Variants in PRDM2 observed in about 807,000 individuals in gnomAD.
The protein encoded by PRDM2 is PR domain zinc finger protein 2.
Under a neutral mutation model 130.0 loss-of-function variants are expected in PRDM2, and 30 were observed. The observed-to-expected ratio is 0.23, with a 90% CI of 0.17 to 0.31. PRDM2 has a LOEUF of 0.31. Ranked by LOEUF, PRDM2 falls within the 10% of genes least tolerant of loss-of-function variation. The pLI is 1.00. For missense variants in PRDM2, 2,011 were observed against 2,108.4 expected, an observed-to-expected ratio of 0.95 and a Z score of 0.90; for synonymous variants, 871 against 782.4, an observed-to-expected ratio of 1.11 and a Z score of -1.89.
Position 13,706,019 on chromosome 1 carries a change from C to G in PRDM2, c.-66+5719C>G, listed in dbSNP as rs200332901. Among the ~76,000 whole-genome samples the G allele has an allele frequency of 1.7e-4, 26 of 151,368 alleles. No homozygotes were observed. In the East Asian group the frequency reaches 4.5e-3, roughly 26 times the overall value. ...AAAAAAAAAAAATGGAGCTCACCAC[C>G]TTTTACTTAAATATTGTCCCTACTC... On this transcript the variant is annotated intron_variant, in intron 1 of 9. Transcript: ENST00000311066.
intron 5 of PRDM2, among the ~76,000 whole-genome samples, chr1:13,748,063 G>A (rs895347246): frequency 3.9e-5 from 6 of 152,180 alleles, no homozygotes; most frequent in Non-Finnish European, 8.8e-5. Context: ...CAGAGTTTGA[G>A]CTTCTCTTAT....
Position 13,732,879 on chromosome 1 carries a change from G to A in PRDM2, c.228G>A (p.Trp76Ter), listed in dbSNP as rs148256671. 6.0e-5 allele frequency: 93 copies of A among 1,547,160 alleles called. No homozygotes were observed. Among genetic ancestry groups the A allele is most frequent in the Non-Finnish European group, 8.2e-5 (93 of 1,132,008 alleles). ...RSQVKNNVYM[W>*]EVYYPNLGWM... is the part of the protein sequence containing the mutation. ...AGGTTAAGAATAATGTATACATGTG[G>A]GAGGTAAGAAGTAATTCTGATTCTT... The change falls in exon 4 of 10, where the codon TGG (tryptophan) becomes TGA (stop). Residue 76 changes from tryptophan to a stop codon, truncating the protein, a stop_gained. Transcript: ENST00000311066. LOFTEE classifies it high-confidence loss of function.
chr1:13,773,061 A>G lies in PRDM2; in HGVS notation c.512-17A>G, dbSNP rs946453354. 1 of 1,385,342 alleles carries G rather than the reference A, an allele frequency of 7.2e-7. No individual in the cohort carries two copies. Among genetic ancestry groups the G allele is most frequent in the Non-Finnish European group, 9.7e-7 (1 of 1,033,768 alleles). The allele number at this position is 1,385,342 out of a possible 1,614,324, so 85.8% of individuals were successfully genotyped here. On this transcript the variant is annotated splice_polypyrimidine_tract_variant and intron_variant, in intron 6 of 9. Transcript: ENST00000311066. The stretch of plus-strand genomic sequence containing the variant: ...AAAAAAAAATGAATGAATAAATTAA[A>G]AAAAATTGTGTTTCAGGGAAGAAAA...
intron 6 of PRDM2, among the ~76,000 whole-genome samples, chr1:13,766,328 T>C (rs1200409177): frequency 6.6e-6 from 1 of 152,186 alleles, no homozygotes; most frequent in African/African-American, 2.4e-5. Flanking sequence ...AGATTCTAGA[T>C]AGTAGTGTCT....
At chr1:13,711,784 T>A (rs1185626483) in intron 1 of PRDM2, among the ~76,000 whole-genome samples, 1 of 151,982 alleles carries the variant, frequency 6.6e-6, no homozygotes, top group Non-Finnish European at 1.5e-5. Context: ...GAGGAAAAAA[T>A]GAGAGTCTGG....
intron 3 of PRDM2, among the ~76,000 whole-genome samples, chr1:13,731,888 A>T (rs1643122930): frequency 1.3e-5 from 2 of 152,182 alleles, no homozygotes; most frequent in African/African-American, 4.8e-5. Context: ...TTATTCATTG[A>T]GCAGTTTGAA....
chr1:13,799,400 G>A (rs921201572), intron 8 of PRDM2, among the ~76,000 whole-genome samples: 4 of 151,052 alleles, frequency 2.6e-5, no homozygotes, highest in East Asian at 1.9e-4. Context: ...AGCTGAGATC[G>A]CGCCATTGCA....
chr1:13,770,244 A>G (rs897833121), intron 6 of PRDM2: 5 of 436,070 alleles, frequency 1.1e-5, no homozygotes, highest in African/African-American at 6.3e-5. Context: ...TTGTTTGTCC[A>G]ATAAAGGACA....
At chr1:13,810,767 T>A (rs975730379) in intron 8 of PRDM2, among the ~76,000 whole-genome samples, 4 of 151,976 alleles carry the variant, frequency 2.6e-5, no homozygotes, top group African/African-American at 7.2e-5. Flanking sequence ...GCACTGGGAT[T>A]ACAGGCGTGA....
chr1:13,780,096 G>A lies in PRDM2; in HGVS notation c.2301G>A (p.Gly767=), dbSNP rs1644573340. Residue 767 remains glycine (G), a synonymous_variant, in exon 8 of 10, where the codon GGG becomes GGA. Transcript: ENST00000311066. Reference sequence around the variant, plus strand: ...GGAAAGCAGCATGGACCGATGCCGGGCTGACTTCCAAAAAATCCAAATTAG... The same window carrying A: ...GGAAAGCAGCATGGACCGATGCCGGACTGACTTCCAAAAAATCCAAATTAG... ...SDGKAAWTDA[G]LTSKKSKLES... 2.5e-6 allele frequency: 4 copies of A among 1,612,768 alleles called. No homozygotes were observed. The highest frequency in any genetic ancestry group is 3.4e-6 in the Non-Finnish European group (4 of 1,179,110).
rs540334866 is a variant in PRDM2 at position 13,754,294 on chromosome 1, G to A, written c.511+4807G>A. On this transcript the variant is annotated intron_variant, in intron 6 of 9. Coordinates refer to ENST00000311066, the MANE Select transcript of PRDM2 (RefSeq NM_001393986.1). ...GGGTTGGTTGGTGGGGGAGATGAGA[G>A]AGATGACTACAGCAGGCAGCATCCT... 1.4e-4 allele frequency among the ~76,000 whole-genome samples: 22 copies of A among 152,288 alleles called. No individual in the cohort carries two copies. The South Asian group carries it at 4.6e-3, about 32-fold the overall frequency.
chr1:13,818,737 T>C (rs1645299546), intron 9 of PRDM2, among the ~76,000 whole-genome samples: 1 of 152,000 alleles, frequency 6.6e-6, no homozygotes, highest in Non-Finnish European at 1.5e-5. Context: ...GCTTTATTCC[T>C]CTGGGGTTTG....
At chr1:13,744,279 G>T (rs1026324159) in intron 5 of PRDM2, among the ~76,000 whole-genome samples, 1 of 152,164 alleles carries the variant, frequency 6.6e-6, no homozygotes, top group African/African-American at 2.4e-5. Flanking sequence ...AGGCAAGTAG[G>T]TGTGACCTTA....
chr1:13,733,997 T>C (rs1277096240), intron 4 of PRDM2, among the ~76,000 whole-genome samples: 2 of 152,246 alleles, frequency 1.3e-5, no homozygotes, highest in African/African-American at 2.4e-5. Flanking sequence ...AGTATGCTGC[T>C]ATTTTTCTTT....
At chr1:13,703,080 A>C in intron 1 of PRDM2, among the ~76,000 whole-genome samples, 1 of 152,336 alleles carries the variant, frequency 6.6e-6, no homozygotes, top group East Asian at 1.9e-4. Flanking sequence ...GTGGTGGTCC[A>C]TCTCTCTCTT....
At chr1:13,717,776 G>A (rs1315940255) in intron 2 of PRDM2, among the ~76,000 whole-genome samples, 1 of 151,868 alleles carries the variant, frequency 6.6e-6, no homozygotes, top group Non-Finnish European at 1.5e-5. Flanking sequence ...CAAATGCCAA[G>A]TATCAGTGGA....
Position 13,781,994 on chromosome 1 carries a change from C to G in PRDM2, c.4199C>G (p.Pro1400Arg). Residue 1400 changes from proline to arginine, a missense_variant, in exon 8 of 10, where the codon CCC becomes CGC. By Grantham distance (103) the Pro-to-Arg change is moderately radical (BLOSUM62 -2). This residue lies in a region of PRDM2 where 410 missense variants were observed against 395.9 expected (regional missense o/e 1.04). Transcript: ENST00000311066. This position sits in a 1 kb window ranked among gnomAD's most constrained non-coding sequence, Gnocchi z 6.1. The stretch of plus-strand genomic sequence containing the variant: ...AATGCCTTCCGACGAATGGGACAGC[C>G]CAAAAGGCTTAACTTTAGTGTTGAG... ...GKNAFRRMGQ[P>R]KRLNFSVELS... 1.2e-6 allele frequency: 2 copies of G among 1,614,048 alleles called. No homozygotes were observed. The highest frequency in any genetic ancestry group is 1.7e-6 in the Non-Finnish European group (2 of 1,180,022).
At chr1:13,723,675 G>C (rs947043999) in intron 2 of PRDM2, among the ~76,000 whole-genome samples, 4 of 152,102 alleles carry the variant, frequency 2.6e-5, no homozygotes, top group African/African-American at 9.7e-5. Context: ...CTTTGATAAG[G>C]GCATTCTGAG....
chr1:13,761,922 G>A (rs1644107223), intron 6 of PRDM2, among the ~76,000 whole-genome samples: 1 of 152,050 alleles, frequency 6.6e-6, no homozygotes, highest in African/African-American at 2.4e-5. Context: ...ATAATATCTG[G>A]GTGGGATCCT....
Sources: gnomAD v4.1 joint callset for allele counts (sites outside exome capture counted in the v4.1 genomes callset) on GRCh38, gnomAD v4.1.1 for gene constraint, gnomAD v4.1.1 regional missense constraint, Gnocchi (gnomAD v3.1) non-coding constraint, MANE v1.5 for transcripts, NCBI Gene and HGNC (gene_info 2026-07-23, HGNC 2026-07-21) for gene names.